ANKS6: variants seen among roughly 807,000 people sequenced by gnomAD.
The protein encoded by ANKS6 is ankyrin repeat and SAM domain-containing protein 6.
In ANKS6, 47 loss-of-function variants were observed where a neutral mutation model predicts 77.9. The observed-to-expected ratio is 0.60, with a 90% CI of 0.48 to 0.77. The LOEUF is 0.77. ANKS6 is among the 30% of genes least tolerant of loss of function. The pLI, the probability that ANKS6 is intolerant of heterozygous loss-of-function variation, is 0.00. For missense variants in ANKS6, 1,150 were observed against 1,159.1 expected, an observed-to-expected ratio of 0.99 and a Z score of 0.11; for synonymous variants, 488 against 501.7, an observed-to-expected ratio of 0.97 and a Z score of 0.37.
At chr9:98,744,821 G>A (rs1006159084) in intron 14 of ANKS6, among the ~76,000 whole-genome samples, 1 of 151,900 alleles carries the variant, frequency 6.6e-6, no homozygotes, top group Non-Finnish European at 1.5e-5. Flanking sequence ...TAGGCCAAGT[G>A]TGAAAAAGCA....
intron 4 of ANKS6, chr9:98,783,644 G>C: frequency 3.9e-6 from 1 of 259,000 alleles, no homozygotes; most frequent in Non-Finnish European, 7.2e-6. Context: ...AAACTCCAAT[G>C]AATCAGTCAC....
chr9:98,777,475 TC>T (rs1833980705), intron 7 of ANKS6, 21 bp from the exon 8 acceptor site: 1 of 1,613,816 alleles, frequency 6.2e-7, no homozygotes, highest in Admixed American at 1.7e-5. Flanking sequence ...AATGGAAATT[TC>T]CTGAAATGAC....
At chr9:98,786,030 G>A (rs1455603840) in intron 2 of ANKS6, among the ~76,000 whole-genome samples, 1 of 152,226 alleles carries the variant, frequency 6.6e-6, no homozygotes, top group African/African-American at 2.4e-5. Context: ...CCAGGCTGGA[G>A]TGCAGTGGCG....
chr9:98,783,940 G>C lies in ANKS6; in HGVS notation c.1112+13C>G. Reference sequence around the variant, plus strand: ...TCTGGCCTTGTCGCTGAGGGCGTGGGGCTGGCACTGACCCATGGTAGGTTG... The same window carrying C: ...TCTGGCCTTGTCGCTGAGGGCGTGGCGCTGGCACTGACCCATGGTAGGTTG... On this transcript the variant is annotated intron_variant, in intron 4 of 14. Transcript: ENST00000353234. 1 of 1,562,916 alleles carries C rather than the reference G, an allele frequency of 6.4e-7. No homozygotes were observed. Among genetic ancestry groups the C allele is most frequent in the Non-Finnish European group, 8.7e-7 (1 of 1,153,868 alleles).
Position 98,745,576 on chromosome 9 carries a change from C to T in ANKS6, c.2494G>A (p.Glu832Lys), listed in dbSNP as rs1339121242. 9 of 1,613,806 alleles carry T rather than the reference C, an allele frequency of 5.6e-6. 1 individual carries two copies. The East Asian group carries it at 1.8e-4, about 32-fold the overall frequency. Residue 832 changes from glutamate (E) to lysine (K), a missense_variant, in exon 14 of 15, where the codon GAA becomes AAA. By Grantham distance (56) the Glu-to-Lys change is moderately conservative. Transcript: ENST00000353234. ...SRQQILAAIS[E>K]LNAGKGRERQ... ...AACGGTACCTTGCCTGCGTTCAGTT[C>T]AGAAATCGCTGCCAGAATCTGCTGC... is the stretch of plus-strand genomic sequence containing the variant.
Position 98,732,663 on chromosome 9 carries a change from A to C in ANKS6, c.*3856T>G. 6.6e-7 allele frequency: 1 copy of C among 1,510,748 alleles called. No individual in the cohort carries two copies. The highest frequency in any genetic ancestry group is 8.9e-7 in the Non-Finnish European group (1 of 1,129,820). The allele number at this position is 1,510,748 out of a possible 1,614,324, so 93.6% of individuals were successfully genotyped here. A position where few individuals can be genotyped will look rare whatever the true frequency, so the allele number is the denominator to read the frequency against. ...ATCTGCACCGCTCCACAGTGTGAAA[A>C]GGGCTTTCTCACTTTCACATGATCC... On this transcript the variant is annotated 3_prime_UTR_variant, in exon 15 of 15. Transcript: ENST00000353234.
chr9:98,786,224 T>C (rs918895196), intron 2 of ANKS6, among the ~76,000 whole-genome samples: 8 of 151,706 alleles, frequency 5.3e-5, no homozygotes, highest in Non-Finnish European at 1.0e-4. Context: ...AGTGATCTGC[T>C]CGCCTTGGCC....
At position 98,778,287 on chromosome 9, in the gene ANKS6, G is replaced by A. The variant is rs1482539960; in HGVS notation, c.1506C>T (p.Ala502=). 6.2e-7 allele frequency: 1 copy of A among 1,614,164 alleles called. No individual in the cohort carries two copies. Among genetic ancestry groups the A allele is most frequent in the Non-Finnish European group, 8.5e-7 (1 of 1,180,026 alleles). ...CAGAGCGGCTTGTCTTGTCCTGGGG[G>A]GCAGCCCTCATTGTGGAGTCCAGAG... ...EPALDSTMRA[A]PQDKTSRSAL... Residue 502 remains alanine, a synonymous_variant, in exon 7 of 15, where the codon GCC becomes GCT. Transcript: ENST00000353234.
rs1831401345 is a variant in ANKS6 at position 98,734,784 on chromosome 9, T to C, written c.*1735A>G. 6.1e-6 allele frequency: 6 copies of C among 984,868 alleles called. No homozygotes were observed. Among genetic ancestry groups the C allele is most frequent in the Non-Finnish European group, 6.0e-6 (5 of 829,544 alleles). 61.0% of individuals were successfully genotyped at this position (984,868 alleles called of 1,614,324 possible). Reference sequence around the variant, plus strand: ...AAAGCTGCCAGCACATAGTAGGGGATGAATGAGTGTGTCTCCTTAAAAAGG... The same window carrying C: ...AAAGCTGCCAGCACATAGTAGGGGACGAATGAGTGTGTCTCCTTAAAAAGG... On this transcript the variant is annotated 3_prime_UTR_variant, in exon 15 of 15. Coordinates refer to ENST00000353234, the MANE Select transcript of ANKS6 (RefSeq NM_173551.5).
In ANKS6 at chr9:98,732,703, C is replaced by T. The variant is rs940392667; in HGVS notation, c.*3816G>A. 1 of 1,449,084 alleles carries T rather than the reference C, an allele frequency of 6.9e-7. No homozygotes were observed. The highest frequency in any genetic ancestry group is 2.5e-5 in the East Asian group (1 of 39,936). The allele number at this position is 1,449,084 out of a possible 1,614,324, so 89.8% of individuals were successfully genotyped here. A position where few individuals can be genotyped will look rare whatever the true frequency, so the allele number is the denominator to read the frequency against. On this transcript the variant is annotated 3_prime_UTR_variant, in exon 15 of 15. Coordinates refer to ENST00000353234, the MANE Select transcript of ANKS6 (RefSeq NM_173551.5). ...TCACATGATCCCTGGGGGCTACTAT[C>T]CCCCTGTAACCAAAAGGGAAACTGG... is the stretch of plus-strand genomic sequence containing the variant.
Position 98,733,141 on chromosome 9 carries a change from G to T in ANKS6, c.*3378C>A. 1 of 953,994 alleles carries T rather than the reference G, an allele frequency of 1.0e-6. No individual in the cohort carries two copies. Among genetic ancestry groups the T allele is most frequent in the Non-Finnish European group, 1.2e-6 (1 of 801,290 alleles). 59.1% of individuals were successfully genotyped at this position (953,994 alleles called of 1,614,324 possible). A position where few individuals can be genotyped will look rare whatever the true frequency, so the allele number is the denominator to read the frequency against. ...GGCAGAGAAGTCCTTTTTCATCTTT[G>T]GAGACAGAGCGTACGAGTAGGGCTG... On this transcript the variant is annotated 3_prime_UTR_variant, in exon 15 of 15. Transcript: ENST00000353234.
chr9:98,796,087 GCCGGGCA>G, intron 1 of ANKS6, 39 bp downstream of exon 1: 1 of 1,284,394 alleles, frequency 7.8e-7, no homozygotes, highest in Non-Finnish European at 9.8e-7. Flanking sequence ...TCGGGCCAGC[GCCGGGCA>G]CCACTCTGGT....
chr9:98,756,547 G>A lies in ANKS6; in HGVS notation c.2199C>T (p.Thr733=), dbSNP rs1274378177. Residue 733 remains threonine (T), a synonymous_variant, in exon 12 of 15, where the codon ACC becomes ACT. Transcript: ENST00000353234. ...PSGTSTTSKS[T]SPTLTPSPSP... The stretch of plus-strand genomic sequence containing the variant: ...AGGGGGAGGGCGTGAGGGTTGGAGA[G>A]GTGCTCTTGGAGGTAGTGGAAGTTC... The A allele has an allele frequency of 6.3e-7, 1 of 1,588,566 alleles. No homozygotes were observed. The highest frequency in any genetic ancestry group is 1.2e-5 in the South Asian group (1 of 86,422).
At chr9:98,752,432 CCT>C (rs1832481931) in intron 12 of ANKS6, among the ~76,000 whole-genome samples, 1 of 152,058 alleles carries the variant, frequency 6.6e-6, no homozygotes, top group South Asian at 2.1e-4. Flanking sequence ...TCCTTCCCTC[CCT>C]CTTTCCCTTC....
chr9:98,773,883 T>C lies in ANKS6; in HGVS notation c.1815A>G (p.Thr605=). ...GTGTCAGAAGACAACTTACAGTGTC[T>C]GTGCCCCCGCCGCCCACGGGGTGGC... ...SRGHPVGGGG[T]DTTPVRPVKF... The change falls in exon 9 of 15, where the codon ACA becomes ACG. Residue 605 remains threonine (T), a synonymous_variant. Coordinates refer to ENST00000353234, the MANE Select transcript of ANKS6 (RefSeq NM_173551.5). The C allele has an allele frequency of 6.4e-7, 1 of 1,555,748 alleles. No homozygotes were observed. Among genetic ancestry groups the C allele is most frequent in the Middle Eastern group, 1.8e-4 (1 of 5,520 alleles).
At chr9:98,794,657 G>C (rs1007964142) in intron 1 of ANKS6, among the ~76,000 whole-genome samples, 1 of 152,128 alleles carries the variant, frequency 6.6e-6, no homozygotes, top group Non-Finnish European at 1.5e-5. Flanking sequence ...TGGGGTCTCT[G>C]AGACACTCTG....
chr9:98,765,100 T>C (rs2117989478), intron 11 of ANKS6, among the ~76,000 whole-genome samples: 1 of 152,316 alleles, frequency 6.6e-6, no homozygotes. Context: ...AAAAGCTGGC[T>C]ATACTACTAA....
At chr9:98,795,482 G>C (rs1309019010) in intron 1 of ANKS6, among the ~76,000 whole-genome samples, 1 of 152,038 alleles carries the variant, frequency 6.6e-6, no homozygotes, top group Non-Finnish European at 1.5e-5. Context: ...GGGAGGACTA[G>C]TACATCATTC....
At chr9:98,786,633 G>A (rs1834586909) in intron 2 of ANKS6, among the ~76,000 whole-genome samples, 1 of 152,142 alleles carries the variant, frequency 6.6e-6, no homozygotes, top group African/African-American at 2.4e-5. Flanking sequence ...ACTGCCATGG[G>A]ACACAGTATA....
Sources: gnomAD v4.1 joint callset for allele counts (sites outside exome capture counted in the v4.1 genomes callset) on GRCh38, gnomAD v4.1.1 for gene constraint, MANE v1.5 for transcripts, NCBI Gene and HGNC (gene_info 2026-07-23, HGNC 2026-07-21) for gene names.